Variants in COL6A6 observed in about 807,000 individuals in gnomAD.
COL6A6 encodes the protein collagen alpha-6(VI) chain.
Under a neutral mutation model 208.6 loss-of-function variants are expected in COL6A6, and 183 were observed. That is an observed-to-expected ratio of 0.88 (90% confidence interval 0.78 to 0.99). The LOEUF is 0.99. Ranked by LOEUF, COL6A6 falls within the 50% of genes least tolerant of loss-of-function variation. The pLI is 0.00. For missense variants in COL6A6, 2,816 were observed against 2,815.2 expected, an observed-to-expected ratio of 1.00 and a Z score of -0.01; for synonymous variants, 973 against 1,011.8, an observed-to-expected ratio of 0.96 and a Z score of 0.73.
At chr3:130,665,450 C>T (rs982517610) in intron 36 of COL6A6, among the ~76,000 whole-genome samples, 1 of 152,026 alleles carries the variant, frequency 6.6e-6, no homozygotes, top group Non-Finnish European at 1.5e-5. Flanking sequence ...TAGATTGCCC[C>T]AGGGAAGGTA....
intron 18 of COL6A6, among the ~76,000 whole-genome samples, chr3:130,597,639 C>G (rs1293630839): frequency 6.6e-6 from 1 of 152,214 alleles, no homozygotes; most frequent in East Asian, 1.9e-4. Context: ...AGACACAGCT[C>G]TGTTTGTGGT....
intron 34 of COL6A6, among the ~76,000 whole-genome samples, chr3:130,661,237 T>C (rs1016121423): frequency 1.3e-5 from 2 of 152,198 alleles, no homozygotes; most frequent in African/African-American, 4.8e-5. Flanking sequence ...CACTTCTTCA[T>C]AGTAGAATAT....
chr3:130,605,974 G>A (rs2064171671), intron 20 of COL6A6, among the ~76,000 whole-genome samples: 1 of 152,166 alleles, frequency 6.6e-6, no homozygotes, highest in African/African-American at 2.4e-5. Context: ...ATCTCCCACT[G>A]GGTCCCTCCC....
chr3:130,668,393 G>A (rs747164329), intron 36 of COL6A6, among the ~76,000 whole-genome samples: 1 of 151,990 alleles, frequency 6.6e-6, no homozygotes, highest in African/African-American at 2.4e-5. Context: ...CAGGAGAATC[G>A]CTTGAACCCA....
Position 130,567,223 on chromosome 3 carries a change from A to G in COL6A6, c.1804A>G (p.Ile602Val), listed in dbSNP as rs145020873. The part of the protein sequence containing the change: ...YVHDFDALKD[I>V]RNQVVQEICT... ...GCATGACTTTGATGCATTGAAAGAC[A>G]TAAGAAACCAAGTTGTTCAAGAAAT... The change falls in exon 5 of 37, where the codon ATA becomes GTA. Residue 602 changes from isoleucine (I) to valine (V), a missense_variant. Physicochemically the swap from Ile to Val is conservative, Grantham distance 29. Transcript: ENST00000358511. 945 of 1,612,508 alleles carry G rather than the reference A, an allele frequency of 5.9e-4. 9 individuals carry two copies. In the East Asian group the frequency reaches 0.018, roughly 30 times the overall value.
chr3:130,658,541 T>A, intron 33 of COL6A6, 135 bp from the exon 34 acceptor site: 1 of 629,148 alleles, frequency 1.6e-6, no homozygotes, highest in Non-Finnish European at 2.9e-6. Context: ...TAGCCATGCT[T>A]ACATGCTGTG....
At chr3:130,563,789 AC>A (rs1252201246) in intron 3 of COL6A6, 125 bp downstream of exon 3, 5 of 658,698 alleles carry the variant, frequency 7.6e-6, no homozygotes, top group Non-Finnish European at 1.3e-5. Context: ...GATGTTATGT[AC>A]CCATCGTTTA....
At chr3:130,532,242 T>C (rs1347617537) in intron 1 of COL6A6, among the ~76,000 whole-genome samples, 1 of 152,210 alleles carries the variant, frequency 6.6e-6, no homozygotes, top group African/African-American at 2.4e-5. Flanking sequence ...CTGTTGTCTT[T>C]ATTCACTCAG....
intron 1 of COL6A6, among the ~76,000 whole-genome samples, chr3:130,552,088 TGTG>T (rs1054441432): frequency 1.3e-5 from 2 of 152,208 alleles, no homozygotes; most frequent in Non-Finnish European, 1.5e-5. Context: ...GTATGTGCCA[TGTG>T]GTGATGAAAA....
At chr3:130,592,197 G>A (rs1432950326) in intron 13 of COL6A6, among the ~76,000 whole-genome samples, 2 of 152,080 alleles carry the variant, frequency 1.3e-5, no homozygotes, top group Admixed American at 6.5e-5. Context: ...TAAGGTGAAG[G>A]TTTATAGGTA....
At chr3:130,657,842 A>T (rs979415350) in intron 33 of COL6A6, among the ~76,000 whole-genome samples, 5 of 152,206 alleles carry the variant, frequency 3.3e-5, no homozygotes, top group African/African-American at 1.2e-4. Context: ...GGACAGGAGA[A>T]TCACAGGGAA....
chr3:130,563,473 A>T lies in COL6A6; in HGVS notation c.470A>T (p.Asp157Val), dbSNP rs768742828. Residue 157 changes from aspartate to valine, a missense_variant, in exon 3 of 37, where the codon GAC (aspartate) becomes GTC (valine). By Grantham distance (152) the Asp-to-Val change is radical (BLOSUM62 -3). Transcript: ENST00000358511. ...VEEASKALRK[D>V]GVKIISVGVQ... ...GAGGCATCAAAGGCCCTGCGGAAAG[A>T]CGGAGTGAAAATCATCTCTGTAGGG... is the stretch of plus-strand genomic sequence containing the variant. 19 of 1,613,912 alleles carry T rather than the reference A, an allele frequency of 1.2e-5. No individual in the cohort carries two copies. The highest frequency in any genetic ancestry group is 1.4e-5 in the Non-Finnish European group (17 of 1,179,908).
Position 130,634,725 on chromosome 3 carries a change from A to G in COL6A6, c.5028+100A>G, listed in dbSNP as rs2065059981. The G allele has an allele frequency of 6.0e-6, 5 of 833,338 alleles. No homozygotes were observed. In the Admixed American group the frequency reaches 1.4e-4, roughly 24 times the overall value. The allele number at this position is 833,338 out of a possible 1,614,324, so 51.6% of individuals were successfully genotyped here. ...TAGAAGAACAGTTAATGATAAATAAATGTCCTACCTTTGTGCGGAGAAGGA... is the reference window on the plus strand; with the variant it reads ...TAGAAGAACAGTTAATGATAAATAAGTGTCCTACCTTTGTGCGGAGAAGGA... On this transcript the variant is annotated intron_variant, in intron 27 of 36. Coordinates refer to ENST00000358511, the MANE Select transcript of COL6A6 (RefSeq NM_001102608.3).
intron 36 of COL6A6, among the ~76,000 whole-genome samples, chr3:130,665,530 C>T (rs2066053627): frequency 6.6e-6 from 1 of 152,166 alleles, no homozygotes. Flanking sequence ...AATGTCTTTT[C>T]AAAAGGACAA....
At chr3:130,605,863 G>A (rs1224934590) in intron 20 of COL6A6, among the ~76,000 whole-genome samples, 1 of 152,168 alleles carries the variant, frequency 6.6e-6, no homozygotes, top group African/African-American at 2.4e-5. Flanking sequence ...CAGAATGAGA[G>A]CCAAGTGAAA....
At position 130,609,913 on chromosome 3, in the gene COL6A6, ACTTTT is replaced by A. The variant is rs554084271; in HGVS notation, c.4753-731_4753-727del. On this transcript the variant is annotated intron_variant, in intron 22 of 36. Transcript: ENST00000358511. ...ACCTTTATCTCTTCCTAGCTTGATT[ACTTTT>A]CTTTGTTGTTGCTTTCCAGCTGAGG... 7.3e-5 allele frequency among the ~76,000 whole-genome samples: 10 copies of A among 136,718 alleles called. No homozygotes were observed. The East Asian group carries it at 2.0e-3, about 27-fold the overall frequency. The allele number at this position is 136,718 out of a possible 152,430, so 89.7% of individuals were successfully genotyped here.
chr3:130,648,422 C>T (rs749469330), intron 32 of COL6A6, among the ~76,000 whole-genome samples: 5 of 152,200 alleles, frequency 3.3e-5, no homozygotes, highest in Admixed American at 2.0e-4. Context: ...ATTTAATGCT[C>T]ACCTCAGGCC....
In COL6A6 at chr3:130,643,004, G is replaced by C. The variant is rs755872740; in HGVS notation, c.5208G>C (p.Gln1736His). 2.9e-5 allele frequency: 47 copies of C among 1,613,748 alleles called. No individual in the cohort carries two copies. Among genetic ancestry groups the C allele is most frequent in the Non-Finnish European group, 3.8e-5 (45 of 1,179,792 alleles). The change falls in exon 31 of 37, where the codon CAG (glutamine) becomes CAC (histidine). Residue 1736 changes from glutamine to histidine, a missense_variant. By Grantham distance (24) the Gln-to-His change is conservative. Transcript: ENST00000358511. ...LASFSTCELI[Q>H]YVRDRSPGRH... is the part of the protein sequence containing the mutation. ...AACTGCAGACATGTGAGCTCATTCA[G>C]TATGTGCGAGACCGCAGTCGTAAGT...
chr3:130,609,074 T>C, intron 22 of COL6A6, 110 bp downstream of exon 22: 1 of 780,346 alleles, frequency 1.3e-6, no homozygotes, highest in South Asian at 1.7e-5. Context: ...ATTCCATGTT[T>C]AAAGTTCTCA....
Sources: allele counts gnomAD v4.1 joint callset (sites outside exome capture counted in the v4.1 genomes callset), GRCh38; gene constraint gnomAD v4.1.1; transcripts MANE v1.5; gene names NCBI Gene and HGNC (gene_info 2026-07-23, HGNC 2026-07-21).